TDRP: variants seen among roughly 807,000 people sequenced by gnomAD.
TDRP encodes testis development related protein.
In TDRP, 12 loss-of-function variants were observed where a neutral mutation model predicts 10.5. The observed-to-expected ratio is 1.15, with a 90% CI of 0.73 to 1.86. TDRP has a LOEUF of 1.86. Among genes scored for constraint, TDRP ranks in the 40% most tolerant of loss-of-function variants. The pLI, the probability that TDRP is intolerant of heterozygous loss-of-function variation, is 0.00. For missense variants in TDRP, 353 were observed against 229.2 expected (o/e 1.54, Z -3.49); for synonymous variants, 139 against 95.4 (o/e 1.46, Z -2.67).
Position 544,665 on chromosome 8 carries a change from G to T in TDRP, c.93C>A (p.Ala31=). 8.6e-7 allele frequency: 1 copy of T among 1,162,144 alleles called. No individual in the cohort carries two copies. The highest frequency in any genetic ancestry group is 3.4e-5 in the East Asian group (1 of 29,248). 72.0% of individuals were successfully genotyped at this position (1,162,144 alleles called of 1,614,324 possible). Reference sequence around the variant, plus strand: ...ACCCCCTCACCTGCGCCTGGGCGGCGGCGGCGGCGGCCGGTGGCGGCCCCC... The same window carrying T: ...ACCCCCTCACCTGCGCCTGGGCGGCTGCGGCGGCGGCCGGTGGCGGCCCCC... ...LRGGPPPAAA[A]AAQAQVQGAS... The change falls in exon 1 of 3, where the codon GCC becomes GCA. Residue 31 remains alanine, a synonymous_variant. Coordinates refer to ENST00000324079, the MANE Select transcript of TDRP (RefSeq NM_001384899.1).
intron 1 of TDRP, among the ~76,000 whole-genome samples, chr8:516,655 T>A (rs1801764219): frequency 6.6e-6 from 1 of 152,156 alleles, no homozygotes; most frequent in East Asian, 1.9e-4. Flanking sequence ...TCACTGCTGG[T>A]GGGAAAATGG....
At chr8:508,744 A>C (rs770876330) in intron 1 of TDRP, among the ~76,000 whole-genome samples, 30 of 152,162 alleles carry the variant, frequency 2.0e-4, no homozygotes, top group Non-Finnish European at 3.5e-4. Flanking sequence ...TTTTCAAGAC[A>C]CAATTATGCC....
At chr8:521,334 G>A (rs964029487) in intron 1 of TDRP, among the ~76,000 whole-genome samples, 19 of 151,776 alleles carry the variant, frequency 1.3e-4, no homozygotes, top group Non-Finnish European at 7.4e-5. Flanking sequence ...GGAGAATGGC[G>A]TGAACCCGGG....
chr8:494,158 T>A (rs1471249912), intron 2 of TDRP, among the ~76,000 whole-genome samples: 2 of 151,972 alleles, frequency 1.3e-5, no homozygotes, highest in Non-Finnish European at 2.9e-5. Flanking sequence ...AGACGGGGTT[T>A]CACCATGTTG....
intron 1 of TDRP, among the ~76,000 whole-genome samples, chr8:498,979 A>T (rs1396553951): frequency 2.0e-5 from 3 of 152,078 alleles, no homozygotes; most frequent in Non-Finnish European, 4.4e-5. Flanking sequence ...CCCCAGCCAC[A>T]TGGAACTGTG....
At chr8:544,962 G>A, upstream of TDRP, 2 of 253,144 alleles carry the variant, frequency 7.9e-6, no homozygotes, top group Non-Finnish European at 1.3e-5. Flanking sequence ...GACCCGGCCC[G>A]CCCCCAAACC....
At chr8:542,741 T>A (rs941926536) in intron 1 of TDRP, among the ~76,000 whole-genome samples, 5 of 150,578 alleles carry the variant, frequency 3.3e-5, no homozygotes, top group African/African-American at 1.2e-4. Context: ...CACATGCTCG[T>A]AATCCCAGCT....
chr8:539,642 CAG>C (rs1802438621), intron 1 of TDRP, among the ~76,000 whole-genome samples: 1 of 152,172 alleles, frequency 6.6e-6, no homozygotes, highest in East Asian at 1.9e-4. Context: ...TAACGGAAAA[CAG>C]TAACAAAATG....
At chr8:512,278 A>C (rs919800006) in intron 1 of TDRP, among the ~76,000 whole-genome samples, 5 of 151,952 alleles carry the variant, frequency 3.3e-5, no homozygotes, top group African/African-American at 7.3e-5. Flanking sequence ...AACAACAAAA[A>C]AAAAAATGAC....
Position 523,094 on chromosome 8 carries a change from C to T in TDRP, c.108+21556G>A, listed in dbSNP as rs111378569. The stretch of plus-strand genomic sequence containing the variant: ...CTTTAAGTCTTGTAGTAATTTTGAC[C>T]CTCTTTTCCTCTCTTGCTGACTTCC... On this transcript the variant is annotated intron_variant, in intron 1 of 2. Transcript: ENST00000324079. Among the ~76,000 whole-genome samples, 62 of 152,086 alleles carry T rather than the reference C, an allele frequency of 4.1e-4. No individual in the cohort carries two copies. In the South Asian group the frequency reaches 5.0e-3, roughly 12 times the overall value.
intron 1 of TDRP, among the ~76,000 whole-genome samples, chr8:534,882 C>G (rs1465789745): frequency 6.6e-6 from 1 of 152,140 alleles, no homozygotes; most frequent in Non-Finnish European, 1.5e-5. Context: ...AGCACTCACT[C>G]CAATGCCCAG....
intron 1 of TDRP, among the ~76,000 whole-genome samples, chr8:513,549 A>C (rs534922135): frequency 2.8e-4 from 42 of 152,372 alleles, no homozygotes; most frequent in African/African-American, 1.0e-3. Flanking sequence ...CTAACACAAC[A>C]TACTAAATGG....
chr8:524,750 TAC>T lies in TDRP; in HGVS notation c.108+19898_108+19899del, dbSNP rs1383065171. ...GATCTTGAAGACAGGCTATTGAAAA[TAC>T]ACAGTCAGAGGAGACATGAGACAAA... On this transcript the variant is annotated intron_variant, in intron 1 of 2. Coordinates refer to ENST00000324079, the MANE Select transcript of TDRP (RefSeq NM_001384899.1). 3.3e-5 allele frequency among the ~76,000 whole-genome samples: 5 copies of T among 152,168 alleles called. No homozygotes were observed. The South Asian group carries it at 6.2e-4, about 19-fold the overall frequency.
chr8:537,032 C>T (rs1239620225), intron 1 of TDRP, among the ~76,000 whole-genome samples: 4 of 152,202 alleles, frequency 2.6e-5, no homozygotes. Context: ...ATCAGCTCCC[C>T]TAAGGCTGGA....
At chr8:544,849 C>A (rs938162738), upstream of TDRP, 2 of 973,902 alleles carry the variant, frequency 2.1e-6, no homozygotes. Context: ...GCGGCTCCTG[C>A]GGGACGCGGG....
rs1396244336 is a variant in TDRP at position 529,430 on chromosome 8, T to C, written c.108+15220A>G. Reference sequence around the variant, plus strand: ...TCACCACCATTACTATATTATAGGATTCTGTTTTTGTCCACATATTTCCCT... The same window carrying C: ...TCACCACCATTACTATATTATAGGACTCTGTTTTTGTCCACATATTTCCCT... On this transcript the variant is annotated intron_variant, in intron 1 of 2. Coordinates refer to ENST00000324079, the MANE Select transcript of TDRP (RefSeq NM_001384899.1). Among the ~76,000 whole-genome samples the C allele has an allele frequency of 2.0e-5, 3 of 152,222 alleles. No individual in the cohort carries two copies. In the East Asian group the frequency reaches 5.8e-4, roughly 29 times the overall value.
chr8:493,801 G>GT (rs1237225485), intron 2 of TDRP, among the ~76,000 whole-genome samples: 2 of 151,882 alleles, frequency 1.3e-5, no homozygotes, highest in South Asian at 2.1e-4. Context: ...TTTTGGTTTG[G>GT]TTTTTTTCTG....
chr8:494,304 C>T (rs967200957), intron 2 of TDRP, among the ~76,000 whole-genome samples, 190 bp downstream of exon 2: 1 of 152,130 alleles, frequency 6.6e-6, no homozygotes, highest in East Asian at 1.9e-4. Flanking sequence ...CTCCGAAGCA[C>T]ACATCATGAA....
intron 1 of TDRP, among the ~76,000 whole-genome samples, chr8:520,588 C>T (rs903122897): frequency 1.6e-4 from 24 of 152,334 alleles, no homozygotes; most frequent in South Asian, 1.4e-3. Context: ...CCAATCTCCC[C>T]GCATCCTTGG....
Sources: gnomAD v4.1 joint callset for allele counts (sites outside exome capture counted in the v4.1 genomes callset) on GRCh38, gnomAD v4.1.1 for gene constraint, MANE v1.5 for transcripts, NCBI Gene and HGNC (gene_info 2026-07-23, HGNC 2026-07-21) for gene names.